The following LAMA3 variants were observed in gnomAD, a reference collection of about 807,000 sequenced individuals.
LAMA3 encodes laminin subunit alpha 3.
LAMA3 carries 281 observed loss-of-function variants against 402.0 expected under a neutral mutation model. The ratio of observed to expected loss-of-function variants is 0.70; its 90% CI spans 0.63 to 0.77. The LOEUF (loss-of-function observed/expected upper bound fraction) is 0.77. LAMA3 is among the 30% of genes least tolerant of loss of function. LAMA3 has a pLI of 0.00. For synonymous variants in LAMA3, 1,431 were observed against 1,558.4 expected, an observed-to-expected ratio of 0.92 and a Z score of 1.93; for missense variants, 3,840 against 4,215.5, an observed-to-expected ratio of 0.91 and a Z score of 2.47.
At chr18:23,787,089 C>G (rs1478068373) in intron 12 of LAMA3, among the ~76,000 whole-genome samples, 2 of 152,170 alleles carry the variant, frequency 1.3e-5, no homozygotes, top group African/African-American at 4.8e-5. Context: ...TGAGATCAGC[C>G]TGGCCAACAT....
chr18:23,750,981 A>T lies in LAMA3; in HGVS notation c.748A>T (p.Arg250Trp). ...AKNFTFSHTL[R>W]EFTKATNIRL... ...AAATTTTACTTTCTCTCACACCCTG[A>T]GGGAGTTTACCAAGGCAACAAACAT... is the stretch of plus-strand genomic sequence containing the variant. The change falls in exon 5 of 75, where the codon AGG becomes TGG. Residue 250 changes from arginine to tryptophan, a missense_variant. By Grantham distance (101) the Arg-to-Trp change is moderately radical. This residue lies in a region of LAMA3 where 2,109 missense variants were observed against 2,376.0 expected (regional missense o/e 0.89). Coordinates refer to ENST00000313654, the MANE Select transcript of LAMA3 (RefSeq NM_198129.4). The T allele has an allele frequency of 6.2e-7, 1 of 1,614,106 alleles. No individual in the cohort carries two copies. The highest frequency in any genetic ancestry group is 8.5e-7 in the Non-Finnish European group (1 of 1,180,012).
intron 14 of LAMA3, 68 bp from the exon 15 acceptor site, chr18:23,814,335 T>C (rs1260885994): frequency 8.6e-7 from 1 of 1,165,668 alleles, no homozygotes; most frequent in African/African-American, 1.5e-5. Context: ...AAGTCTTTGC[T>C]CACGCACAGG....
rs141396246 is a variant in LAMA3 at position 23,737,021 on chromosome 18, C to T, written c.448-10922C>T. ...TTGCTGGCATGGAAAATGCTTCCCC[C>T]ACCCCCACCACTAGTCCCCTCCTCC... On this transcript the variant is annotated intron_variant, in intron 2 of 74. Coordinates refer to ENST00000313654, the MANE Select transcript of LAMA3 (RefSeq NM_198129.4). 1.5e-3 allele frequency among the ~76,000 whole-genome samples: 234 copies of T among 152,224 alleles called. 3 individuals carry two copies. The highest frequency in any genetic ancestry group is 5.5e-3 in the African/African-American group (229 of 41,530).
At chr18:23,723,665 C>T (rs116819559) in intron 2 of LAMA3, among the ~76,000 whole-genome samples, 9 of 152,090 alleles carry the variant, frequency 5.9e-5, no homozygotes, top group Non-Finnish European at 1.2e-4. Flanking sequence ...CCTAGGTAAA[C>T]ATCTCACTCC....
intron 37 of LAMA3, among the ~76,000 whole-genome samples, chr18:23,870,954 G>C (rs1317609295): frequency 6.6e-6 from 1 of 152,206 alleles, no homozygotes; most frequent in African/African-American, 2.4e-5. Flanking sequence ...AAATGGTTAA[G>C]ATGGTAAATT....
At chr18:23,698,487 G>A (rs1787359106) in intron 1 of LAMA3, among the ~76,000 whole-genome samples, 1 of 152,166 alleles carries the variant, frequency 6.6e-6, no homozygotes, top group Non-Finnish European at 1.5e-5. Context: ...TTACAGGCGT[G>A]AGCCACCGCG....
At chr18:23,698,416 AG>A (rs1368636640) in intron 1 of LAMA3, among the ~76,000 whole-genome samples, 2 of 152,058 alleles carry the variant, frequency 1.3e-5, no homozygotes, top group African/African-American at 4.8e-5. Flanking sequence ...CGTGTTAGAC[AG>A]GATGGTCTCA....
Position 23,847,518 on chromosome 18 carries a change from C to G in LAMA3, c.3986C>G (p.Pro1329Arg). 1 of 1,613,996 alleles carries G rather than the reference C, an allele frequency of 6.2e-7. No individual in the cohort carries two copies. Among genetic ancestry groups the G allele is most frequent in the Non-Finnish European group, 8.5e-7 (1 of 1,180,044 alleles). ...CEEMTGQCRC[P>R]PRTVRPQCEV... is the part of the protein sequence containing the mutation. The stretch of plus-strand genomic sequence containing the variant: ...GAGATGACGGGGCAGTGCCGCTGCC[C>G]TCCCCGCACGGTCAGGCCCCAGTGT... Residue 1329 changes from proline (P) to arginine (R), a missense_variant, in exon 32 of 75, where the codon CCT becomes CGT. Pro to Arg is a moderately radical substitution (Grantham distance 103). This residue lies in a region of LAMA3 where 2,109 missense variants were observed against 2,376.0 expected (regional missense o/e 0.89). Transcript: ENST00000313654.
rs551527317 is a variant in LAMA3 at position 23,784,714 on chromosome 18, C to T, written c.1603+557C>T. On this transcript the variant is annotated intron_variant, in intron 12 of 74. Transcript: ENST00000313654. ...AAGGTGGGAGGAGGAAGTGTCTGGT[C>T]CGGTCCCTAGAGCATGGCAGGTATG... Among the ~76,000 whole-genome samples, 14 of 152,168 alleles carry T rather than the reference C, an allele frequency of 9.2e-5. No homozygotes were observed. The South Asian group carries it at 2.5e-3, about 27-fold the overall frequency.
At chr18:23,706,512 A>G (rs1162367378) in intron 1 of LAMA3, among the ~76,000 whole-genome samples, 2 of 152,148 alleles carry the variant, frequency 1.3e-5, no homozygotes, top group Non-Finnish European at 2.9e-5. Context: ...ATAATATTGC[A>G]TTGTGGTCTG....
intron 2 of LAMA3, among the ~76,000 whole-genome samples, chr18:23,741,209 T>C (rs1219646624): frequency 6.6e-6 from 1 of 152,084 alleles, no homozygotes; most frequent in African/African-American, 2.4e-5. Flanking sequence ...TCCACCCGCC[T>C]TGGCCTCCCA....
intron 72 of LAMA3, 27 bp from the exon 73 acceptor site, chr18:23,951,657 A>C: frequency 6.3e-7 from 1 of 1,596,764 alleles, no homozygotes. Context: ...TTCCTGAAGG[A>C]AATAGGAAAA....
At chr18:23,902,022 T>C (rs967831936) in intron 48 of LAMA3, among the ~76,000 whole-genome samples, 4 of 152,220 alleles carry the variant, frequency 2.6e-5, no homozygotes, top group African/African-American at 7.2e-5. Context: ...ATAGTGAACA[T>C]TGTATGCTAA....
intron 60 of LAMA3, among the ~76,000 whole-genome samples, chr18:23,920,670 T>C (rs2081801432): frequency 6.6e-6 from 1 of 152,214 alleles, no homozygotes; most frequent in Admixed American, 6.5e-5. Context: ...CAGTTATGGA[T>C]CGCATGAAAC....
chr18:23,760,513 A>G (rs1443587082), intron 7 of LAMA3, among the ~76,000 whole-genome samples: 1 of 152,166 alleles, frequency 6.6e-6, no homozygotes, highest in Non-Finnish European at 1.5e-5. Context: ...ATTTTGATGT[A>G]ATTAGAATAT....
At position 23,907,771 on chromosome 18, in the gene LAMA3, T is replaced by C. The variant is rs750390621; in HGVS notation, c.6851T>C (p.Met2284Thr). 6.2e-7 allele frequency: 1 copy of C among 1,614,196 alleles called. No individual in the cohort carries two copies. Among genetic ancestry groups the C allele is most frequent in the Non-Finnish European group, 8.5e-7 (1 of 1,180,024 alleles). The change falls in exon 54 of 75, where the codon ATG becomes ACG. Residue 2284 changes from methionine (M) to threonine (T), a missense_variant. Physicochemically the swap from Met to Thr is moderately conservative, Grantham distance 81. Around this residue, in one of 3 missense-constraint regions of LAMA3, gnomAD observed 891 missense variants for 857.5 expected, o/e 1.04. Transcript: ENST00000313654. ...TGTGCATTAGGTGATATTGATGCTATGATCAGTAGTGCAAAGAGCATGGTC... is the reference window on the plus strand; with the variant it reads ...TGTGCATTAGGTGATATTGATGCTACGATCAGTAGTGCAAAGAGCATGGTC... ...HGIQRGDIDA[M>T]ISSAKSMVRK...
Position 23,838,768 on chromosome 18 carries a change from A to T in LAMA3, c.3094-13A>T. 6.6e-7 allele frequency: 1 copy of T among 1,519,558 alleles called. No individual in the cohort carries two copies. Among genetic ancestry groups the T allele is most frequent in the East Asian group, 2.3e-5 (1 of 44,372 alleles). The allele number at this position is 1,519,558 out of a possible 1,614,324, so 94.1% of individuals were successfully genotyped here. A position where few individuals can be genotyped will look rare whatever the true frequency, so the allele number is the denominator to read the frequency against. On this transcript the variant is annotated splice_polypyrimidine_tract_variant and intron_variant, in intron 25 of 74. Transcript: ENST00000313654. ...ACTGCAATGTGCCTTTGTGCATTGT[A>T]TTTGCTCACTAGCATCAAGTTTGTA...
intron 8 of LAMA3, among the ~76,000 whole-genome samples, chr18:23,765,995 A>G (rs2143778734): frequency 6.6e-6 from 1 of 152,238 alleles, no homozygotes; most frequent in East Asian, 1.9e-4. Context: ...TGTAAGGAAC[A>G]TGTAATTGGA....
At chr18:23,852,174 T>G (rs1159358402) in intron 32 of LAMA3, among the ~76,000 whole-genome samples, 1 of 152,220 alleles carries the variant, frequency 6.6e-6, no homozygotes, top group Non-Finnish European at 1.5e-5. Flanking sequence ...GCTTTCCTAG[T>G]TGGCCTTCCT....
Sources: gnomAD v4.1 joint callset for allele counts (sites outside exome capture counted in the v4.1 genomes callset) on GRCh38, gnomAD v4.1.1 for gene constraint, gnomAD v4.1.1 regional missense constraint, MANE v1.5 for transcripts, NCBI Gene and HGNC (gene_info 2026-07-23, HGNC 2026-07-21) for gene names.